KCNJ15: variants seen among roughly 807,000 people sequenced by gnomAD.
KCNJ15 encodes potassium inwardly rectifying channel subfamily J member 15.
Under a neutral mutation model 23.0 loss-of-function variants are expected in KCNJ15, and 14 were observed. The ratio of observed to expected loss-of-function variants is 0.61; its 90% CI spans 0.40 to 0.95. KCNJ15 has a LOEUF of 0.95. KCNJ15 is among the 40% of genes least tolerant of loss of function. KCNJ15 has a pLI of 0.00. For missense variants in KCNJ15, 388 were observed against 461.8 expected, an observed-to-expected ratio of 0.84 and a Z score of 1.46; for synonymous variants, 185 against 183.2, an observed-to-expected ratio of 1.01 and a Z score of -0.08.
chr21:38,245,537 A>G (rs531405658), intron 1 of KCNJ15, among the ~76,000 whole-genome samples: 2 of 151,868 alleles, frequency 1.3e-5, no homozygotes, highest in East Asian at 1.9e-4. Flanking sequence ...CGAGATCCTT[A>G]TAAGTAATTC....
At chr21:38,282,861 A>C (rs1280323032) in intron 1 of KCNJ15, among the ~76,000 whole-genome samples, 1 of 152,158 alleles carries the variant, frequency 6.6e-6, no homozygotes, top group Admixed American at 6.5e-5. Flanking sequence ...AGGTGTGGAC[A>C]ATGAGAAGGC....
intron 1 of KCNJ15, among the ~76,000 whole-genome samples, chr21:38,274,492 A>G (rs1982445132): frequency 6.6e-6 from 1 of 152,234 alleles, no homozygotes; most frequent in Non-Finnish European, 1.5e-5. Flanking sequence ...CACAACTAGA[A>G]TATAAGCCTC....
At chr21:38,298,069 A>G (rs1378354492) in intron 2 of KCNJ15, 1 of 152,206 alleles carries the variant, frequency 6.6e-6, no homozygotes, top group Non-Finnish European at 1.5e-5. Context: ...TAGTTCCTAA[A>G]ATACCAATGA....
chr21:38,255,862 C>T (rs1980177455), upstream of KCNJ15, among the ~76,000 whole-genome samples: 1 of 152,194 alleles, frequency 6.6e-6, no homozygotes, highest in African/African-American at 2.4e-5. Context: ...ACCCTGTCTG[C>T]TCTATGTCAA....
chr21:38,242,443 A>G (rs1185127484), intron 1 of KCNJ15, among the ~76,000 whole-genome samples: 2 of 152,146 alleles, frequency 1.3e-5, no homozygotes, highest in Non-Finnish European at 2.9e-5. Flanking sequence ...ACACTCACAC[A>G]CATACTCTTT....
chr21:38,246,760 T>A (rs1979398329), intron 1 of KCNJ15, among the ~76,000 whole-genome samples: 1 of 152,206 alleles, frequency 6.6e-6, no homozygotes, highest in South Asian at 2.1e-4. Flanking sequence ...GGAGTGTGTG[T>A]GTGGGTTAAA....
At chr21:38,235,420 G>A (rs1427556128) in intron 1 of KCNJ15, among the ~76,000 whole-genome samples, 1 of 152,032 alleles carries the variant, frequency 6.6e-6, no homozygotes, top group Non-Finnish European at 1.5e-5. Flanking sequence ...TGGGCGTCGT[G>A]GCACGCGCCT....
rs1399475392 is a variant in KCNJ15, at chr21:38,301,656, GATGC to G, written c.*1271_*1274del. On this transcript the variant is annotated 3_prime_UTR_variant, in exon 3 of 3. Coordinates refer to ENST00000398938, the MANE Select transcript of KCNJ15 (RefSeq NM_170736.3). ...AAACTCATAAACAAGATGACTCTTTGATGCATGAACAAGATTTGAAAATCTCAAG... is the reference window on the plus strand; with the variant it reads ...AAACTCATAAACAAGATGACTCTTTGATGAACAAGATTTGAAAATCTCAAG... 1 of 167,024 alleles carries G rather than the reference GATGC, an allele frequency of 6.0e-6. No homozygotes were observed. Among genetic ancestry groups the G allele is most frequent in the East Asian group, 1.9e-4 (1 of 5,192 alleles). 10.3% of individuals were successfully genotyped at this position (167,024 alleles called of 1,614,324 possible).
chr21:38,305,413 GTTGA>G lies in KCNJ15; in HGVS notation c.*5028_*5031del, dbSNP rs1340288732. 6 of 152,186 alleles carry G rather than the reference GTTGA, an allele frequency of 3.9e-5. No individual in the cohort carries two copies. Among genetic ancestry groups the G allele is most frequent in the African/African-American group, 1.4e-4 (6 of 41,440 alleles). The allele number at this position is 152,186 out of a possible 1,614,324, so 9.4% of individuals were successfully genotyped here. A position where few individuals can be genotyped will look rare whatever the true frequency, so the allele number is the denominator to read the frequency against. On this transcript the variant is annotated 3_prime_UTR_variant, in exon 3 of 3. Transcript: ENST00000398938. ...AAAAATAGAAGACCAAGAGAAGGCG[GTTGA>G]TTGGAGTTGATACTTAATAGCTAAT...
At chr21:38,242,785 T>C (rs1979100227) in intron 1 of KCNJ15, among the ~76,000 whole-genome samples, 1 of 152,140 alleles carries the variant, frequency 6.6e-6, no homozygotes, top group African/African-American at 2.4e-5. Flanking sequence ...CCAGCCCACA[T>C]CTTCATTACA....
At chr21:38,231,336 A>C (rs1163705532) in intron 1 of KCNJ15, among the ~76,000 whole-genome samples, 2 of 151,960 alleles carry the variant, frequency 1.3e-5, no homozygotes, top group Non-Finnish European at 2.9e-5. Context: ...TCTAATTATT[A>C]ATAGTAGATT....
chr21:38,299,702 T>G lies in KCNJ15; in HGVS notation c.441T>G (p.Val147=), dbSNP rs776114849. The G allele has an allele frequency of 1.9e-6, 3 of 1,614,146 alleles. No individual in the cohort carries two copies. Among genetic ancestry groups the G allele is most frequent in the Non-Finnish European group, 8.5e-7 (1 of 1,180,020 alleles). The change falls in exon 3 of 3, where the codon GTT becomes GTG. Residue 147 remains valine, a synonymous_variant. Transcript: ENST00000398938. The surrounding 1 kb of genome is among the most constrained non-coding windows in gnomAD (Gnocchi z 4.5). ...EECPHAIFLL[V]AQLVITTLIE... The stretch of plus-strand genomic sequence containing the variant: ...GTCCTCATGCCATCTTCCTGTTGGT[T>G]GCTCAGTTGGTCATCACGACCTTGA...
chr21:38,294,895 A>C (rs1984985036), intron 1 of KCNJ15, among the ~76,000 whole-genome samples: 1 of 152,226 alleles, frequency 6.6e-6, no homozygotes, highest in Non-Finnish European at 1.5e-5. Context: ...TCCATTCAAT[A>C]GTTGTAAGAA....
At chr21:38,292,561 G>A (rs1984713456) in intron 1 of KCNJ15, among the ~76,000 whole-genome samples, 1 of 152,154 alleles carries the variant, frequency 6.6e-6, no homozygotes, top group South Asian at 2.1e-4. Flanking sequence ...CCTTTTCTAT[G>A]TTGTTCTTAG....
chr21:38,268,821 C>T (rs1194525950), intron 1 of KCNJ15: 1 of 152,206 alleles, frequency 6.6e-6, no homozygotes, highest in African/African-American at 2.4e-5. Flanking sequence ...GGGAAAGAGA[C>T]AGAGGTGGGC....
chr21:38,244,115 AT>A (rs1979198982), intron 1 of KCNJ15, among the ~76,000 whole-genome samples: 1 of 151,856 alleles, frequency 6.6e-6, no homozygotes, highest in African/African-American at 2.4e-5. Context: ...TATTTCTCCT[AT>A]TAATTTTTTT....
In KCNJ15 at chr21:38,301,958, TCACACACGCACACACA is replaced by T. The variant is rs1985813700; in HGVS notation, c.*1576_*1591del. ...TTCCCCCCACCAAGCACACACACAGTCACACACGCACACACACACACATGCACACACGCGCGTGCAC... is the reference window on the plus strand; with the variant it reads ...TTCCCCCCACCAAGCACACACACAGTCACACATGCACACACGCGCGTGCAC... On this transcript the variant is annotated 3_prime_UTR_variant, in exon 3 of 3. Transcript: ENST00000398938. 1 of 157,506 alleles carries T rather than the reference TCACACACGCACACACA, an allele frequency of 6.3e-6. No homozygotes were observed. The highest frequency in any genetic ancestry group is 1.5e-5 in the Non-Finnish European group (1 of 68,032). The allele number at this position is 157,506 out of a possible 1,614,324, so 9.8% of individuals were successfully genotyped here.
chr21:38,294,724 A>C (rs1984966570), intron 1 of KCNJ15, among the ~76,000 whole-genome samples: 1 of 151,902 alleles, frequency 6.6e-6, no homozygotes, highest in Admixed American at 6.6e-5. Context: ...CCATATAGCT[A>C]AGTACCTTTT....
intron 2 of KCNJ15, chr21:38,298,171 T>TAGA (rs1226567413): frequency 2.6e-5 from 4 of 152,196 alleles, no homozygotes; most frequent in African/African-American, 7.2e-5. Flanking sequence ...ATGTCAGTCA[T>TAGA]CAGGCAGGTA....
Sources: gnomAD v4.1 joint callset for allele counts (sites outside exome capture counted in the v4.1 genomes callset) on GRCh38, gnomAD v4.1.1 for gene constraint, Gnocchi (gnomAD v3.1) non-coding constraint, MANE v1.5 for transcripts, NCBI Gene and HGNC (gene_info 2026-07-23, HGNC 2026-07-21) for gene names.